CD44: variants seen among roughly 807,000 people sequenced by gnomAD.
The protein encoded by CD44 is CD44 molecule (IN blood group).
A neutral mutation model predicts 88.8 loss-of-function variants in CD44; 49 were observed. The ratio of observed to expected loss-of-function variants is 0.55; its 90% CI spans 0.44 to 0.70. The LOEUF is 0.70. Ranked by LOEUF, CD44 falls within the 30% of genes least tolerant of loss-of-function variation. The pLI is 0.00. For synonymous variants in CD44, 325 were observed against 312.3 expected (o/e 1.04, Z -0.43); for missense variants, 883 against 913.8 (o/e 0.97, Z 0.43).
At chr11:35,144,388 A>G (rs929601372) in intron 1 of CD44, among the ~76,000 whole-genome samples, 2 of 152,164 alleles carry the variant, frequency 1.3e-5, no homozygotes, top group Admixed American at 1.3e-4. Flanking sequence ...TGCCTCAGAG[A>G]GAAATTCTGG....
At chr11:35,216,532 G>T (rs898272518) in intron 15 of CD44, among the ~76,000 whole-genome samples, 1 of 152,216 alleles carries the variant, frequency 6.6e-6, no homozygotes, top group African/African-American at 2.4e-5. Flanking sequence ...CATTAGAAAT[G>T]CTTCTGAAAT....
At chr11:35,206,671 G>T (rs1320733753) in intron 11 of CD44, among the ~76,000 whole-genome samples, 1 of 145,112 alleles carries the variant, frequency 6.9e-6, no homozygotes, top group Non-Finnish European at 1.5e-5. Context: ...GGGGTTGGTG[G>T]GGGGGGCAGT....
chr11:35,217,272 T>C (rs1948909580), intron 15 of CD44, among the ~76,000 whole-genome samples: 1 of 151,760 alleles, frequency 6.6e-6, no homozygotes, highest in African/African-American at 2.4e-5. Flanking sequence ...TTCTTCTTTT[T>C]TTTTTTTTTT....
Position 35,214,855 on chromosome 11 carries a change from AC to A in CD44, c.1816del (p.Gln606LysfsTer37). ...CCTTCCTGATTGCTCATTACAGGAG[AC>A]CAAGACACATTCCACCCCAGTGGGG... Reference protein sequence around the residue: ...NSNVNRSLSGDQDTFHPSGGS... With the variant: ...NSNVNRSLSGXQDTFHPSGGS... On this transcript the variant is annotated frameshift_variant, in exon 15 of 18. Transcript: ENST00000428726. LOFTEE classifies it high-confidence loss of function. 1 of 1,549,676 alleles carries A rather than the reference AC, an allele frequency of 6.5e-7. No homozygotes were observed. Among genetic ancestry groups the A allele is most frequent in the Non-Finnish European group, 8.7e-7 (1 of 1,147,232 alleles).
At chr11:35,209,682 C>T (rs768513537) in intron 12 of CD44, among the ~76,000 whole-genome samples, 1 of 152,118 alleles carries the variant, frequency 6.6e-6, no homozygotes, top group Non-Finnish European at 1.5e-5. Flanking sequence ...TGCAATTGAG[C>T]CTGGACAATC....
chr11:35,218,101 T>C (rs1156775713), intron 15 of CD44, among the ~76,000 whole-genome samples: 1 of 152,080 alleles, frequency 6.6e-6, no homozygotes, highest in East Asian at 1.9e-4. Flanking sequence ...TAGAAGTTTC[T>C]TTTAGAACCA....
chr11:35,198,472 T>C (rs1946974826), intron 7 of CD44: 1 of 499,956 alleles, frequency 2.0e-6, no homozygotes, highest in Non-Finnish European at 3.6e-6. Context: ...CTTCCTGTTT[T>C]ATTTATCTAT....
intron 1 of CD44, among the ~76,000 whole-genome samples, chr11:35,145,395 G>A (rs184435747): frequency 8.6e-4 from 131 of 152,334 alleles, no homozygotes; most frequent in Non-Finnish European, 7.3e-5. Flanking sequence ...GGTGATGGCT[G>A]TGTTGCTCAG....
intron 3 of CD44, among the ~76,000 whole-genome samples, chr11:35,181,902 A>T (rs1325138263): frequency 1.7e-5 from 1 of 59,710 alleles, no homozygotes; most frequent in Non-Finnish European, 2.9e-5. Flanking sequence ...ATAATATAAT[A>T]TATAATATAT....
intron 15 of CD44, among the ~76,000 whole-genome samples, chr11:35,215,612 G>C (rs192214871): frequency 6.6e-6 from 1 of 152,096 alleles, no homozygotes; most frequent in Non-Finnish European, 1.5e-5. Context: ...GGCCAGGCAC[G>C]GTGGCTCACA....
Position 35,221,714 on chromosome 11 carries a change from C to T in CD44, c.2006C>T (p.Ala669Val). The change falls in exon 17 of 18, where the codon GCA (alanine) becomes GTA (valine). Residue 669 changes from alanine to valine, a missense_variant. Ala to Val is a moderately conservative substitution (Grantham distance 64, BLOSUM62 0). Transcript: ENST00000428726. ...ALALILAVCI[A>V]VNSRRRCGQK... Reference sequence around the variant, plus strand: ...GCTTTGATTCTTGCAGTTTGCATTGCAGTCAACAGTCGAAGAAGGTAAGGG... The same window carrying T: ...GCTTTGATTCTTGCAGTTTGCATTGTAGTCAACAGTCGAAGAAGGTAAGGG... The T allele has an allele frequency of 6.2e-7, 1 of 1,613,970 alleles. No individual in the cohort carries two copies. Among genetic ancestry groups the T allele is most frequent in the Non-Finnish European group, 8.5e-7 (1 of 1,179,844 alleles).
At chr11:35,179,072 G>A (rs1944740162) in intron 2 of CD44, among the ~76,000 whole-genome samples, 1 of 152,126 alleles carries the variant, frequency 6.6e-6, no homozygotes, top group East Asian at 1.9e-4. Flanking sequence ...GAGGCTTTGG[G>A]GAAACCAGTT....
chr11:35,197,694 A>C (rs538418683), intron 6 of CD44: 1 of 155,060 alleles, frequency 6.4e-6, no homozygotes, highest in South Asian at 2.0e-4. Flanking sequence ...TGTAGATTCC[A>C]ACATTTTTCT....
chr11:35,195,727 G>A (rs1292689164), intron 5 of CD44, among the ~76,000 whole-genome samples: 2 of 152,038 alleles, frequency 1.3e-5, no homozygotes, highest in Non-Finnish European at 2.9e-5. Context: ...AGTCTTTGGA[G>A]ATTTTTAAAT....
chr11:35,148,151 C>T (rs985221366), intron 1 of CD44, among the ~76,000 whole-genome samples: 8 of 152,238 alleles, frequency 5.3e-5, no homozygotes, highest in Admixed American at 5.2e-4. Context: ...ACCTGGTCTC[C>T]TGCGTTTGGC....
At chr11:35,221,806 C>T in intron 17 of CD44, 74 bp downstream of exon 17, 1 of 1,322,086 alleles carries the variant, frequency 7.6e-7, no homozygotes. Context: ...CCTTGCTGCT[C>T]AGAGCGTAGT....
chr11:35,209,247 A>G (rs1463444351), intron 12 of CD44, among the ~76,000 whole-genome samples: 6 of 152,192 alleles, frequency 3.9e-5, no homozygotes, highest in Admixed American at 3.9e-4. Context: ...AAACAGTCCA[A>G]GTGATTTTAG....
intron 1 of CD44, among the ~76,000 whole-genome samples, chr11:35,167,007 C>G (rs145302125): frequency 6.6e-6 from 1 of 152,342 alleles, no homozygotes; most frequent in East Asian, 1.9e-4. Context: ...GATGTGCCAG[C>G]CTTCTAGACT....
At chr11:35,188,089 C>A (rs978906597) in intron 4 of CD44, among the ~76,000 whole-genome samples, 12 of 152,180 alleles carry the variant, frequency 7.9e-5, no homozygotes, top group African/African-American at 2.9e-4. Context: ...GGCCTCTGAG[C>A]TTCATTTAAT....
Sources: gnomAD v4.1 joint callset for allele counts (sites outside exome capture counted in the v4.1 genomes callset) on GRCh38, gnomAD v4.1.1 for gene constraint, MANE v1.5 for transcripts, NCBI Gene and HGNC (gene_info 2026-07-23, HGNC 2026-07-21) for gene names.